The following PVT1 variants were observed in gnomAD, a reference collection of about 807,000 sequenced individuals.
PVT1 encodes the protein Pvt1 oncogene.
chr8:128,046,606 C>G (rs1372662868), intron 4 of PVT1, among the ~76,000 whole-genome samples: 1 of 152,226 alleles, frequency 6.6e-6, no homozygotes, highest in Non-Finnish European at 1.5e-5. Flanking sequence ...AGCCCCCCAT[C>G]GCATCTGGAG....
intron 3 of PVT1, among the ~76,000 whole-genome samples, chr8:127,908,010 C>A (rs1815843922): frequency 2.0e-5 from 3 of 152,180 alleles, no homozygotes; most frequent in Admixed American, 6.5e-5. Flanking sequence ...GGTTCCTATG[C>A]CTTCCAGTGA....
At chr8:127,925,336 A>G (rs958712586) in intron 3 of PVT1, among the ~76,000 whole-genome samples, 1 of 152,250 alleles carries the variant, frequency 6.6e-6, no homozygotes, top group African/African-American at 2.4e-5. Context: ...AAAATCAAAA[A>G]AATATAGTTG....
At chr8:127,990,465 G>T (rs1407945053) in intron 4 of PVT1, among the ~76,000 whole-genome samples, 1 of 152,226 alleles carries the variant, frequency 6.6e-6, no homozygotes, top group Admixed American at 6.5e-5. Context: ...TAAAGGTTCA[G>T]AGGAAAGAAT....
chr8:127,863,663 T>C (rs1422834734), intron 2 of PVT1, among the ~76,000 whole-genome samples: 1 of 152,242 alleles, frequency 6.6e-6, no homozygotes, highest in South Asian at 2.1e-4. Context: ...GCTTCTCTGC[T>C]AAGGACAGCG....
chr8:127,920,123 C>CA (rs764145224), intron 3 of PVT1, among the ~76,000 whole-genome samples: 68 of 152,296 alleles, frequency 4.5e-4, no homozygotes, highest in Non-Finnish European at 7.8e-4. Flanking sequence ...CAGCAAAAGT[C>CA]ATCCTAACAT....
intron 3 of PVT1, among the ~76,000 whole-genome samples, chr8:127,941,022 G>A (rs1816343235): frequency 6.6e-6 from 1 of 152,166 alleles, no homozygotes; most frequent in Non-Finnish European, 1.5e-5. Flanking sequence ...GCTCATTCTG[G>A]ATGTTGGCAG....
chr8:128,026,129 G>A (rs1817490555), intron 4 of PVT1, among the ~76,000 whole-genome samples: 1 of 152,044 alleles, frequency 6.6e-6, no homozygotes, highest in African/African-American at 2.4e-5. Context: ...TTTTAGTAGA[G>A]ATGAGGTTTC....
intron 3 of PVT1, among the ~76,000 whole-genome samples, chr8:127,944,550 T>TC (rs1189234036): frequency 8.5e-6 from 1 of 116,982 alleles, no homozygotes; most frequent in African/African-American, 2.7e-5. Context: ...GCCACAGTTG[T>TC]CCCATTTTTT....
At chr8:128,003,301 A>C (rs1190833132) in intron 4 of PVT1, among the ~76,000 whole-genome samples, 151 of 98,218 alleles carry the variant, frequency 1.5e-3, no homozygotes, top group Middle Eastern at 0.018. Flanking sequence ...CTCCTCTCTT[A>C]CCCTCCCCTC....
At chr8:127,866,202 A>G (rs1025688822) in intron 2 of PVT1, among the ~76,000 whole-genome samples, 1 of 152,116 alleles carries the variant, frequency 6.6e-6, no homozygotes, top group Admixed American at 6.6e-5. Context: ...CAAGCTGATC[A>G]TATCTGCTGG....
At chr8:128,071,687 A>AAAATAAATAAAT (rs57815252) in intron 5 of PVT1, among the ~76,000 whole-genome samples, 66,193 of 139,504 alleles carry the variant, frequency 0.47, 16,092 homozygotes, top group Admixed American at 0.54. Flanking sequence ...CTCTGTCTCT[A>AAAATAAATAAAT]AAATAAATAA....
chr8:128,040,104 A>G (rs1275151864), intron 4 of PVT1, among the ~76,000 whole-genome samples: 1 of 152,236 alleles, frequency 6.6e-6, no homozygotes, highest in Non-Finnish European at 1.5e-5. Flanking sequence ...AGGCAGCTGC[A>G]TGTACAGATC....
intron 2 of PVT1, among the ~76,000 whole-genome samples, chr8:127,819,536 A>C (rs1554589122): frequency 6.6e-6 from 1 of 151,736 alleles, no homozygotes; most frequent in Non-Finnish European, 1.5e-5. Context: ...GATTTGAAAG[A>C]CTCTCTATGT....
At chr8:127,878,639 G>A (rs1815431403) in intron 2 of PVT1, among the ~76,000 whole-genome samples, 1 of 152,044 alleles carries the variant, frequency 6.6e-6, no homozygotes, top group African/African-American at 2.4e-5. Flanking sequence ...TTCCTTACTG[G>A]TCTGGTCTGG....
intron 2 of PVT1, chr8:127,855,317 A>T: frequency 5.0e-6 from 2 of 397,864 alleles, no homozygotes; most frequent in Non-Finnish European, 4.4e-6. Context: ...AGGACCCCTA[A>T]GGGTTAGTGT....
chr8:127,988,953 T>C (rs4733815), intron 3 of PVT1, among the ~76,000 whole-genome samples: 39,727 of 151,952 alleles, frequency 0.26, 5,293 homozygotes, highest in East Asian at 0.41. Context: ...GCCTATCTCA[T>C]AGGATTAAAC....
At chr8:127,810,916 A>C (rs1814587150) in intron 2 of PVT1, among the ~76,000 whole-genome samples, 2 of 151,934 alleles carry the variant, frequency 1.3e-5, no homozygotes, top group African/African-American at 4.8e-5. Flanking sequence ...TCCCAGCACC[A>C]TGTGTGTGAG....
intron 4 of PVT1, among the ~76,000 whole-genome samples, chr8:128,000,014 G>A (rs1013657082): frequency 3.9e-5 from 6 of 152,194 alleles, no homozygotes; most frequent in Non-Finnish European, 7.4e-5. Flanking sequence ...ACAGGCCTTT[G>A]AATGTGTCTC....
At chr8:127,933,125 G>A (rs367720991) in intron 3 of PVT1, among the ~76,000 whole-genome samples, 48 of 151,992 alleles carry the variant, frequency 3.2e-4, no homozygotes, top group African/African-American at 1.1e-3. Context: ...GCCCAAGCTG[G>A]AGTGCAATGG....
Sources: gnomAD v4.1 joint callset for allele counts (sites outside exome capture counted in the v4.1 genomes callset) on GRCh38, gnomAD v4.1.1 for gene constraint, MANE v1.5 for transcripts, NCBI Gene and HGNC (gene_info 2026-07-23, HGNC 2026-07-21) for gene names.